The following HNRNPA1L3 variants were observed in gnomAD, a reference collection of about 807,000 sequenced individuals.
HNRNPA1L3 encodes the protein heterogeneous nuclear ribonucleoprotein A1 like 3, also known as heterogeneous nuclear ribonucleoprotein A1-like 3.
At chr16:51,646,834 A>G in the HNRNPA1L3 span, 3 of 1,416,396 alleles carry the variant, frequency 2.1e-6, no homozygotes, top group East Asian at 4.6e-5. Context: ...CAGGGAAGCT[A>G]CAGGTTACAA....
the HNRNPA1L3 span, chr16:51,646,716 G>C: frequency 6.3e-7 from 1 of 1,598,728 alleles, no homozygotes; most frequent in East Asian, 2.2e-5. Flanking sequence ...GCAAAACCAC[G>C]AAACCAAGGT....
At chr16:51,645,960 A>C in the HNRNPA1L3 span, 1 of 1,605,808 alleles carries the variant, frequency 6.2e-7, no homozygotes, top group Non-Finnish European at 8.5e-7. Flanking sequence ...GTAATGAGAG[A>C]TCCAAACACG....
the HNRNPA1L3 span, chr16:51,646,827 G>C: frequency 6.8e-7 from 1 of 1,468,760 alleles, no homozygotes; most frequent in South Asian, 1.1e-5. Flanking sequence ...GAAGTGACAG[G>C]GAAGCTACAG....
At chr16:51,646,480 C>T in the HNRNPA1L3 span, 23 of 1,597,532 alleles carry the variant, frequency 1.4e-5, no homozygotes, top group Non-Finnish European at 1.4e-5. Context: ...GTGGAGGAAA[C>T]TTCAGTGGTC....
At chr16:51,646,108 A>G in the HNRNPA1L3 span, 3 of 1,596,256 alleles carry the variant, frequency 1.9e-6, no homozygotes, top group Admixed American at 5.0e-5. Context: ...ATTCTCAAAG[A>G]CCAGATGCCC....
At chr16:51,646,686 G>A in the HNRNPA1L3 span, 41 of 1,598,514 alleles carry the variant, frequency 2.6e-5, no homozygotes, top group Non-Finnish European at 3.2e-5. Flanking sequence ...GGCCCCCATG[G>A]CGGTGGAGGC....
chr16:51,645,809 C>T, the HNRNPA1L3 span: 11 of 1,607,482 alleles, frequency 6.8e-6, no homozygotes, highest in Non-Finnish European at 9.4e-6. Flanking sequence ...CTCTCTTCAC[C>T]CTGCCGTCAT....
the HNRNPA1L3 span, chr16:51,646,731 A>T: frequency 2.5e-6 from 4 of 1,598,412 alleles, no homozygotes; most frequent in Non-Finnish European, 3.4e-6. Context: ...CAAGGTGGCT[A>T]TGGCGGTTCC....
the HNRNPA1L3 span, chr16:51,646,142 G>A: frequency 6.9e-6 from 11 of 1,594,630 alleles, no homozygotes; most frequent in East Asian, 2.2e-5. Flanking sequence ...AAAGATATTT[G>A]TTGGTGGCAT....
chr16:51,646,213 A>G, the HNRNPA1L3 span: 2 of 1,596,156 alleles, frequency 1.3e-6, no homozygotes, highest in Non-Finnish European at 1.7e-6. Flanking sequence ...GAAAAATTGA[A>G]GTGATTGAAA....
chr16:51,646,735 C>G, the HNRNPA1L3 span: 2 of 1,597,898 alleles, frequency 1.3e-6, no homozygotes, highest in Non-Finnish European at 1.7e-6. Flanking sequence ...GTGGCTATGG[C>G]GGTTCCAGCA....
chr16:51,646,729 C>T, the HNRNPA1L3 span: 2 of 1,598,400 alleles, frequency 1.3e-6, no homozygotes, highest in Admixed American at 1.7e-5. Flanking sequence ...ACCAAGGTGG[C>T]TATGGCGGTT....
chr16:51,645,915 A>G, the HNRNPA1L3 span: 5 of 1,607,286 alleles, frequency 3.1e-6, no homozygotes, highest in Non-Finnish European at 4.2e-6. Context: ...CTGAGGAGCC[A>G]TTTTGAGCAA....
chr16:51,645,855 T>C, the HNRNPA1L3 span: 1 of 1,606,552 alleles, frequency 6.2e-7, no homozygotes, highest in Admixed American at 1.7e-5. Context: ...CCCGAACAGC[T>C]GAGGAAGCTC....
the HNRNPA1L3 span, chr16:51,646,910 T>C: frequency 2.6e-6 from 2 of 781,536 alleles, no homozygotes; most frequent in East Asian, 5.3e-5. Context: ...AGACATGTTT[T>C]AGACAAATAC....
At chr16:51,647,036 G>A in the HNRNPA1L3 span, 3,296 of 497,374 alleles carry the variant, frequency 6.6e-3, 98 homozygotes, top group African/African-American at 0.06. Flanking sequence ...TTTTAATGTA[G>A]ATTTTTTTTT....
the HNRNPA1L3 span, chr16:51,646,849 T>A: frequency 2.8e-5 from 36 of 1,300,692 alleles, no homozygotes; most frequent in Admixed American, 8.9e-5. Context: ...TTACAACAGA[T>A]TTGTGAACTC....
the HNRNPA1L3 span, chr16:51,646,378 T>C: frequency 1.3e-6 from 2 of 1,512,190 alleles, no homozygotes; most frequent in Non-Finnish European, 9.1e-7. Context: ...AAGAGATGGC[T>C]AGTGCTTCAT....
the HNRNPA1L3 span, chr16:51,646,136 A>G: frequency 6.3e-7 from 1 of 1,595,272 alleles, no homozygotes; most frequent in Non-Finnish European, 8.5e-7. Context: ...TGTGAAAAAG[A>G]TATTTGTTGG....
Sources: allele counts gnomAD v4.1 joint callset, GRCh38; gene constraint gnomAD v4.1.1; transcripts MANE v1.5; gene names NCBI Gene and HGNC (gene_info 2026-07-23, HGNC 2026-07-21).